PHLDB2: variants seen among roughly 807,000 people sequenced by gnomAD.
PHLDB2 encodes pleckstrin homology-like domain family B member 2.
Under a neutral mutation model 123.6 loss-of-function variants are expected in PHLDB2, and 71 were observed. That is an observed-to-expected ratio of 0.57 (90% CI 0.47 to 0.70). PHLDB2 has a LOEUF of 0.70. Ranked by LOEUF, PHLDB2 falls within the 30% of genes least tolerant of loss-of-function variation. PHLDB2 has a pLI of 0.00. For synonymous variants in PHLDB2, 547 were observed against 541.6 expected (o/e 1.01, Z -0.14); for missense variants, 1,446 against 1,519.5 (o/e 0.95, Z 0.80).
chr3:111,901,211 T>A (rs1387694898), intron 2 of PHLDB2, among the ~76,000 whole-genome samples: 1 of 151,854 alleles, frequency 6.6e-6, no homozygotes, highest in Non-Finnish European at 1.5e-5. Flanking sequence ...TACAAAAAAA[T>A]TAGCCAGACG....
At chr3:111,859,859 T>G (rs1320490862) in intron 1 of PHLDB2, 14 of 985,086 alleles carry the variant, frequency 1.4e-5, no homozygotes, top group Non-Finnish European at 1.7e-5. Context: ...AGAGCGGCGG[T>G]TTGGAGGAAA....
In PHLDB2 at chr3:111,865,141, G is replaced by C. The variant is rs550788772; in HGVS notation, c.-15+5565G>C. ...GCACAGCCAAGAGATATTCAGAGGG[G>C]ATTGAGAAGTGATGTCTGGCTGCCT... On this transcript the variant is annotated intron_variant, in intron 1 of 17. Transcript: ENST00000431670. 7.2e-5 allele frequency among the ~76,000 whole-genome samples: 11 copies of C among 152,326 alleles called. No homozygotes were observed. The South Asian group carries it at 2.3e-3, about 32-fold the overall frequency.
intron 1 of PHLDB2, among the ~76,000 whole-genome samples, chr3:111,881,768 CTTTTCT>C (rs1248730337): frequency 8.2e-6 from 1 of 121,332 alleles, no homozygotes; most frequent in Non-Finnish European, 1.7e-5. Flanking sequence ...ACATACCTCA[CTTTTCT>C]TTTTTTTTTT....
chr3:111,811,440 G>A (rs1190579009), intron 1 of PHLDB2, among the ~76,000 whole-genome samples: 1 of 152,128 alleles, frequency 6.6e-6, no homozygotes, highest in African/African-American at 2.4e-5. Flanking sequence ...GCAAATTAAA[G>A]GGTAGATTAG....
intron 12 of PHLDB2, chr3:111,960,087 A>C: frequency 1.5e-6 from 1 of 656,916 alleles, no homozygotes; most frequent in Non-Finnish European, 1.9e-6. Flanking sequence ...AGCTTTTCAA[A>C]TAATTTCTGT....
chr3:111,859,751 T>C, intron 1 of PHLDB2, 175 bp downstream of exon 1: 6 of 983,914 alleles, frequency 6.1e-6, no homozygotes, highest in Non-Finnish European at 7.2e-6. Context: ...AGGGGCGCGC[T>C]GACTGCTCAC....
chr3:111,971,758 G>T (rs929713419), intron 16 of PHLDB2, among the ~76,000 whole-genome samples: 10 of 152,168 alleles, frequency 6.6e-5, no homozygotes, highest in African/African-American at 2.2e-4. Context: ...CTGTCTGTCA[G>T]TGAGGGAAAT....
rs556778434 is a variant in PHLDB2 at position 111,942,097 on chromosome 3, T to G, written c.2397+1452T>G. On this transcript the variant is annotated intron_variant, in intron 8 of 17. Coordinates refer to ENST00000431670, the MANE Select transcript of PHLDB2 (RefSeq NM_001134438.2). Reference sequence around the variant, plus strand: ...ACTTAGATAGTGTAATATGTAGTATTTAATATTTAAAATTTTAGCCAAAAT... The same window carrying G: ...ACTTAGATAGTGTAATATGTAGTATGTAATATTTAAAATTTTAGCCAAAAT... Among the ~76,000 whole-genome samples, 17 of 152,308 alleles carry G rather than the reference T, an allele frequency of 1.1e-4. No individual in the cohort carries two copies. The South Asian group carries it at 3.5e-3, about 32-fold the overall frequency.
intron 1 of PHLDB2, among the ~76,000 whole-genome samples, chr3:111,734,680 A>G (rs2107900389): frequency 6.6e-6 from 1 of 152,334 alleles, no homozygotes; most frequent in South Asian, 2.1e-4. Context: ...GGTAGTTAGA[A>G]TATAGAAGTT....
intron 2 of PHLDB2, chr3:111,846,007 G>A: frequency 4.1e-6 from 6 of 1,474,728 alleles, no homozygotes; most frequent in Non-Finnish European, 5.6e-6. Flanking sequence ...TATTGGGAAT[G>A]AGCTGGCATT....
At chr3:111,800,918 A>T (rs937533665) in intron 1 of PHLDB2, among the ~76,000 whole-genome samples, 4 of 152,242 alleles carry the variant, frequency 2.6e-5, no homozygotes, top group African/African-American at 9.6e-5. Context: ...AATCTTGAAA[A>T]GATGAATCAG....
At chr3:111,866,930 GGTGTGTGTGTGT>G (rs3082321) in intron 1 of PHLDB2, among the ~76,000 whole-genome samples, 105 of 126,064 alleles carry the variant, frequency 8.3e-4, no homozygotes, top group African/African-American at 2.9e-3. Flanking sequence ...GTTTCTAAGG[GGTGTGTGTGTGT>G]GTGTGTGTGT....
At chr3:111,762,018 G>A (rs1176536946) in intron 1 of PHLDB2, among the ~76,000 whole-genome samples, 1 of 152,174 alleles carries the variant, frequency 6.6e-6, no homozygotes, top group African/African-American at 2.4e-5. Context: ...AGGGGTCAGA[G>A]GAACACATTT....
intron 1 of PHLDB2, among the ~76,000 whole-genome samples, chr3:111,813,637 G>A (rs1024651223): frequency 6.6e-6 from 1 of 152,170 alleles, no homozygotes; most frequent in Admixed American, 6.5e-5. Context: ...AAGGAAAATG[G>A]AAGAGTGCCA....
intron 1 of PHLDB2, among the ~76,000 whole-genome samples, chr3:111,838,237 G>T (rs1488409854): frequency 1.3e-5 from 2 of 152,142 alleles, no homozygotes; most frequent in Non-Finnish European, 2.9e-5. Context: ...CTGGGCTCAA[G>T]CAGTCTTCCC....
intron 2 of PHLDB2, among the ~76,000 whole-genome samples, chr3:111,852,781 C>CACAT (rs1321034473): frequency 6.6e-6 from 1 of 151,150 alleles, no homozygotes; most frequent in Non-Finnish European, 1.5e-5. Context: ...CACACACACA[C>CACAT]ATACACACAC....
rs1471765334 is a variant in PHLDB2 at position 111,772,410 on chromosome 3, G to A, written c.-49+39707G>A. Among the ~76,000 whole-genome samples, 3 of 152,018 alleles carry A rather than the reference G, an allele frequency of 2.0e-5. No homozygotes were observed. In the East Asian group the frequency reaches 5.8e-4, roughly 29 times the overall value. ...GGGAGAAGGGAAGGAGTAAAAAGAA[G>A]GAAAAGAAGAGGAAGAAGGCTAAAC... On this transcript the variant is annotated intron_variant, in intron 1 of 17. Transcript: ENST00000393923.
chr3:111,754,802 C>T (rs1409602999), intron 1 of PHLDB2, among the ~76,000 whole-genome samples: 1 of 147,594 alleles, frequency 6.8e-6, no homozygotes, highest in Non-Finnish European at 1.5e-5. Context: ...ATAGATAGCT[C>T]TTATTATTTT....
chr3:111,774,024 G>A (rs2060223672), intron 1 of PHLDB2, among the ~76,000 whole-genome samples: 1 of 152,186 alleles, frequency 6.6e-6, no homozygotes, highest in South Asian at 2.1e-4. Flanking sequence ...TCAGTATTAA[G>A]GTTTCTTCTT....
Sources: gnomAD v4.1 joint callset for allele counts (sites outside exome capture counted in the v4.1 genomes callset) on GRCh38, gnomAD v4.1.1 for gene constraint, MANE v1.5 for transcripts, NCBI Gene and HGNC (gene_info 2026-07-23, HGNC 2026-07-21) for gene names.